PNRC1: variants seen among roughly 807,000 people sequenced by gnomAD.
PNRC1 encodes proline rich nuclear receptor coactivator 1, also known as proline-rich nuclear receptor coactivator 1.
PNRC1 carries 6 observed loss-of-function variants against 20.2 expected under a neutral mutation model. The observed-to-expected ratio is 0.30, with a 90% CI of 0.16 to 0.59. The LOEUF (loss-of-function observed/expected upper bound fraction) is 0.59. PNRC1 is among the 20% of genes least tolerant of loss of function. The pLI, the probability that PNRC1 is intolerant of heterozygous loss-of-function variation, is 0.89. For missense variants in PNRC1, 488 were observed against 430.2 expected (o/e 1.13, Z -1.19); for synonymous variants, 202 against 186.9 (o/e 1.08, Z -0.66).
chr6:89,083,779 G>T lies in PNRC1; in HGVS notation c.567G>T (p.Ser189=), dbSNP rs776424310. The T allele has an allele frequency of 3.2e-6, 5 of 1,579,820 alleles. No individual in the cohort carries two copies. Among genetic ancestry groups the T allele is most frequent in the Non-Finnish European group, 3.4e-6 (4 of 1,167,882 alleles). The change falls in exon 2 of 2, where the codon TCG becomes TCT. Residue 189 remains serine (S), a synonymous_variant. Coordinates refer to ENST00000336032, the MANE Select transcript of PNRC1 (RefSeq NM_006813.3). ...KEVLKSKMGK[S]EKIALPHGQL... The stretch of plus-strand genomic sequence containing the variant: ...TTTTAAAATCAAAGATGGGAAAATC[G>T]GAGAAAATTGCCCTTCCCCATGGCC...
intron 1 of PNRC1, 109 bp from the exon 2 acceptor site, chr6:89,083,644 C>A: frequency 2.5e-6 from 2 of 784,674 alleles, no homozygotes; most frequent in South Asian, 2.0e-5. Context: ...TTGTTCTTTT[C>A]TATGGCTGTG....
In PNRC1 at chr6:89,081,187, G is replaced by C. The variant is rs1259118824; in HGVS notation, c.293G>C (p.Arg98Pro). 3 of 1,580,064 alleles carry C rather than the reference G, an allele frequency of 1.9e-6. No homozygotes were observed. The highest frequency in any genetic ancestry group is 2.6e-6 in the Non-Finnish European group (3 of 1,170,256). ...CCTCGGGCAGCGCCGAAGAAGCGGC[G>C]AAAGAAGAAGGTGCGGGCCAGCCCC... is the stretch of plus-strand genomic sequence containing the variant. ...GTPRAAPKKRRKKKVRASPAG... is the reference protein window; with the variant it reads ...GTPRAAPKKRPKKKVRASPAG... The change falls in exon 1 of 2, where the codon CGA becomes CCA. Residue 98 changes from arginine to proline, a missense_variant. Transcript: ENST00000336032.
rs371535045 is a variant in PNRC1, at chr6:89,083,725, A to G, written c.541-28A>G. On this transcript the variant is annotated intron_variant, in intron 1 of 1. Coordinates refer to ENST00000336032, the MANE Select transcript of PNRC1 (RefSeq NM_006813.3). ...TAACTGATTTTTATCTAGAAACTAT[A>G]TTTACTTTTGTGTTCTTGTCTTTGT... 31 of 1,504,688 alleles carry G rather than the reference A, an allele frequency of 2.1e-5. No homozygotes were observed. In the African/African-American group the frequency reaches 2.4e-4, roughly 12 times the overall value. 93.2% of individuals were successfully genotyped at this position (1,504,688 alleles called of 1,614,324 possible).
chr6:89,081,654 C>T (rs556214028), intron 1 of PNRC1, among the ~76,000 whole-genome samples: 3,874 of 151,922 alleles, frequency 0.025, 71 homozygotes, highest in Non-Finnish European at 0.041. Context: ...GATTGGCTCC[C>T]AGGAGTCGGC....
chr6:89,081,832 A>AG (rs1016471067), intron 1 of PNRC1: 3 of 153,866 alleles, frequency 1.9e-5, no homozygotes, highest in African/African-American at 7.3e-5. Context: ...GCGCCCATGA[A>AG]GGAGGCGAGG....
In PNRC1 at chr6:89,084,492, A is replaced by C. The variant is rs1279408168; in HGVS notation, c.*296A>C. ...TGTATATATACAATGGATAAATTTT[A>C]AGTGTGTGCTAAGGCACATGGAAGA... On this transcript the variant is annotated 3_prime_UTR_variant, in exon 2 of 2. Transcript: ENST00000336032. 4.8e-6 allele frequency: 1 copy of C among 208,696 alleles called. No homozygotes were observed. The highest frequency in any genetic ancestry group is 1.1e-4 in the East Asian group (1 of 8,764). 12.9% of individuals were successfully genotyped at this position (208,696 alleles called of 1,614,324 possible).
At chr6:89,083,603 C>G in intron 1 of PNRC1, 150 bp from the exon 2 acceptor site, 1 of 591,660 alleles carries the variant, frequency 1.7e-6, no homozygotes, top group Non-Finnish European at 2.9e-6. Flanking sequence ...TGGCCCCCAG[C>G]TACATACGTG....
chr6:89,084,246 G>T lies in PNRC1; in HGVS notation c.*50G>T. The T allele has an allele frequency of 2.3e-6, 3 of 1,291,204 alleles. No individual in the cohort carries two copies. The highest frequency in any genetic ancestry group is 1.5e-5 in the South Asian group (1 of 65,280). 80.0% of individuals were successfully genotyped at this position (1,291,204 alleles called of 1,614,324 possible). ...AAACATAATTTTTCCCATATCCCTG[G>T]ACTCTTGAGAAAATTGGTACAGAAA... On this transcript the variant is annotated 3_prime_UTR_variant, in exon 2 of 2. Coordinates refer to ENST00000336032, the MANE Select transcript of PNRC1 (RefSeq NM_006813.3).
chr6:89,081,103 C>G lies in PNRC1; in HGVS notation c.209C>G (p.Pro70Arg), dbSNP rs905666004. ...GGGGGAGATGGCCCGTGTCTGACCC[C>G]CCAGCCTCGCGCTCCAGCAGCTCTG... ...FLGGDGPCLTPQPRAPAALPN... is the reference protein window; with the variant it reads ...FLGGDGPCLTRQPRAPAALPN... Residue 70 changes from proline (P) to arginine (R), a missense_variant, in exon 1 of 2, where the codon CCC becomes CGC. Coordinates refer to ENST00000336032, the MANE Select transcript of PNRC1 (RefSeq NM_006813.3). The G allele has an allele frequency of 1.9e-5, 30 of 1,609,026 alleles. No homozygotes were observed. The highest frequency in any genetic ancestry group is 2.5e-5 in the Non-Finnish European group (30 of 1,179,824).
intron 1 of PNRC1, among the ~76,000 whole-genome samples, chr6:89,083,043 C>T (rs1351473888): frequency 6.6e-6 from 1 of 151,296 alleles, no homozygotes; most frequent in Non-Finnish European, 1.5e-5. Flanking sequence ...CTCTATCGCA[C>T]TCCAGGCTGG....
In PNRC1 at chr6:89,081,009, C is replaced by G. The variant is rs2231267; in HGVS notation, c.115C>G (p.Pro39Ala). The G allele has an allele frequency of 1.2e-6, 2 of 1,612,668 alleles. No individual in the cohort carries two copies. The highest frequency in any genetic ancestry group is 1.7e-6 in the Non-Finnish European group (2 of 1,179,900). The change falls in exon 1 of 2, where the codon CCG (proline) becomes GCG (alanine). Residue 39 changes from proline (P) to alanine (A), a missense_variant. By Grantham distance (27) the Pro-to-Ala change is conservative. Transcript: ENST00000336032. ...FGALPMVTTAPPPLPRIPDPR... is the reference protein window; with the variant it reads ...FGALPMVTTAAPPLPRIPDPR... ...GGCCCTCCCGATGGTGACCACGGCTCCGCCTCCTTTACCCCGGATCCCGGA... is the reference window on the plus strand; with the variant it reads ...GGCCCTCCCGATGGTGACCACGGCTGCGCCTCCTTTACCCCGGATCCCGGA...
chr6:89,080,768 G>C lies in PNRC1; in HGVS notation c.-127G>C, dbSNP rs370111073. On this transcript the variant is annotated 5_prime_UTR_variant, in exon 1 of 2. Coordinates refer to ENST00000336032, the MANE Select transcript of PNRC1 (RefSeq NM_006813.3). The stretch of plus-strand genomic sequence containing the variant: ...GGCTATTTGTTGCTGCGCCGCCACC[G>C]CCCGAGTCATGTTCCGCGATCTTCT... The C allele has an allele frequency of 2.0e-5, 18 of 891,362 alleles. No homozygotes were observed. In the East Asian group the frequency reaches 2.6e-4, roughly 13 times the overall value. The allele number at this position is 891,362 out of a possible 1,614,324, so 55.2% of individuals were successfully genotyped here.
At chr6:89,082,214 T>C (rs1768018965) in intron 1 of PNRC1, 1 of 152,278 alleles carries the variant, frequency 6.6e-6, no homozygotes, top group Non-Finnish European at 1.5e-5. Context: ...CCCGTCTGAT[T>C]GCAGTGCTAT....
In PNRC1 at chr6:89,084,807, AAATAAT is replaced by A. The variant is rs924259374; in HGVS notation, c.*618_*623del. 6.6e-6 allele frequency: 1 copy of A among 152,326 alleles called. No homozygotes were observed. The highest frequency in any genetic ancestry group is 2.4e-5 in the African/African-American group (1 of 41,460). 9.4% of individuals were successfully genotyped at this position (152,326 alleles called of 1,614,324 possible). ...CAAAATTGGTTGTAATCAAATTTTAAAATAATAATAATTTGGCCCCCCCTTTTAAAA... is the reference window on the plus strand; with the variant it reads ...CAAAATTGGTTGTAATCAAATTTTAAAATAATTTGGCCCCCCCTTTTAAAA... On this transcript the variant is annotated 3_prime_UTR_variant, in exon 2 of 2. Transcript: ENST00000336032.
Position 89,081,307 on chromosome 6 carries a change from A to T in PNRC1, c.413A>T (p.Gln138Leu). ...RSPATGPSGA[Q>L]EVPGPAAALA... ...CCCGCGACCGGCCCGAGCGGAGCGC[A>T]GGAGGTCCCGGGCCCGGCCGCCGCC... Residue 138 changes from glutamine to leucine, a missense_variant, in exon 1 of 2, where the codon CAG (glutamine) becomes CTG (leucine). Physicochemically the swap from Gln to Leu is moderately radical, Grantham distance 113. Coordinates refer to ENST00000336032, the MANE Select transcript of PNRC1 (RefSeq NM_006813.3). 6.7e-7 allele frequency: 1 copy of T among 1,487,574 alleles called. No homozygotes were observed. Among genetic ancestry groups the T allele is most frequent in the Non-Finnish European group, 8.8e-7 (1 of 1,130,086 alleles). 92.1% of individuals were successfully genotyped at this position (1,487,574 alleles called of 1,614,324 possible).
chr6:89,083,717 G>A, intron 1 of PNRC1, 36 bp from the exon 2 acceptor site: 1 of 1,465,892 alleles, frequency 6.8e-7, no homozygotes, highest in Admixed American at 2.2e-5. Flanking sequence ...TTTTTATCTA[G>A]AAACTATATT....
chr6:89,082,528 T>G (rs1307218079), intron 1 of PNRC1: 2 of 152,246 alleles, frequency 1.3e-5, no homozygotes, highest in Non-Finnish European at 2.9e-5. Flanking sequence ...TGTGCTTGTT[T>G]CCTGGCCTGT....
Position 89,080,797 on chromosome 6 carries a change from G to C in PNRC1, c.-98G>C. The C allele has an allele frequency of 8.6e-7, 1 of 1,166,344 alleles. No homozygotes were observed. The allele number at this position is 1,166,344 out of a possible 1,614,324, so 72.2% of individuals were successfully genotyped here. On this transcript the variant is annotated 5_prime_UTR_variant, in exon 1 of 2. Coordinates refer to ENST00000336032, the MANE Select transcript of PNRC1 (RefSeq NM_006813.3). ...GAGTCATGTTCCGCGATCTTCTCAG[G>C]CTCTCCTAGCAGCATCCATCGCCGC...
Position 89,083,913 on chromosome 6 carries a change from AC to A in PNRC1, c.702del (p.Trp236GlyfsTer29), listed in dbSNP as rs769680326. On this transcript the variant is annotated frameshift_variant, in exon 2 of 2. Coordinates refer to ENST00000336032, the MANE Select transcript of PNRC1 (RefSeq NM_006813.3). LOFTEE classifies it high-confidence loss of function. ...ACCTCTGCAAAAAGAAATGAAAACA[AC>A]TTTTGGCAGGATTCTGTTTCATCTG... ...KITSAKRNEN[N>X]FWQDSVSSDR... is the part of the protein sequence containing the mutation. 6.2e-7 allele frequency: 1 copy of A among 1,614,178 alleles called. No individual in the cohort carries two copies.
Sources: allele counts gnomAD v4.1 joint callset (sites outside exome capture counted in the v4.1 genomes callset), GRCh38; gene constraint gnomAD v4.1.1; transcripts MANE v1.5; gene names NCBI Gene and HGNC (gene_info 2026-07-23, HGNC 2026-07-21).